UGT1A9: variants seen among roughly 807,000 people sequenced by gnomAD.
The protein encoded by UGT1A9 is UDP-glucuronosyltransferase 1A9.
UGT1A9 carries 35 observed loss-of-function variants against 45.0 expected under a neutral mutation model. That is an observed-to-expected ratio of 0.78 (90% CI 0.59 to 1.03). UGT1A9 has a LOEUF of 1.03. UGT1A9 is among the 50% of genes least tolerant of loss of function. UGT1A9 has a pLI of 0.00. For missense variants in UGT1A9, 687 were observed against 666.6 expected (o/e 1.03, Z -0.34); for synonymous variants, 278 against 250.6 (o/e 1.11, Z -1.03).
chr2:233,755,207 C>T, intron 1 of UGT1A9: 1 of 1,062,486 alleles, frequency 9.4e-7, no homozygotes, highest in South Asian at 1.2e-5. Flanking sequence ...TGCGGTACGC[C>T]TTCTTGATAC....
At chr2:233,688,060 A>G (rs1015195974) in intron 1 of UGT1A9, among the ~76,000 whole-genome samples, 1 of 152,226 alleles carries the variant, frequency 6.6e-6, no homozygotes, top group Non-Finnish European at 1.5e-5. Flanking sequence ...CACTCCAAAA[A>G]GAAACCCCAT....
At chr2:233,698,440 A>G (rs996104849) in intron 1 of UGT1A9, among the ~76,000 whole-genome samples, 1 of 152,260 alleles carries the variant, frequency 6.6e-6, no homozygotes, top group African/African-American at 2.4e-5. Context: ...AAGAAGATAT[A>G]TCACAGATCA....
At chr2:233,749,562 T>C (rs541768746) in intron 1 of UGT1A9, among the ~76,000 whole-genome samples, 1 of 151,994 alleles carries the variant, frequency 6.6e-6, no homozygotes, top group Non-Finnish European at 1.5e-5. Context: ...ATGTATTCAA[T>C]AGTGAGGCCA....
chr2:233,751,623 T>C (rs985380326), intron 1 of UGT1A9, among the ~76,000 whole-genome samples: 2 of 152,166 alleles, frequency 1.3e-5, no homozygotes, highest in African/African-American at 4.8e-5. Context: ...GATTGGATCA[T>C]GTGTGCAGTT....
At chr2:233,718,649 C>T (rs1013351620) in intron 1 of UGT1A9, 54 of 1,503,054 alleles carry the variant, frequency 3.6e-5, no homozygotes, top group Middle Eastern at 2.4e-4. Context: ...GGGCCCATAA[C>T]GAAAGGCAGT....
intron 1 of UGT1A9, chr2:233,719,603 T>G (rs138347224): frequency 3.1e-5 from 50 of 1,610,688 alleles, no homozygotes; most frequent in Non-Finnish European, 3.7e-5. Context: ...GAGGGGACTT[T>G]GTGATGGACT....
At chr2:233,678,013 T>G (rs1219955723) in intron 1 of UGT1A9, among the ~76,000 whole-genome samples, 1 of 152,138 alleles carries the variant, frequency 6.6e-6, no homozygotes, top group African/African-American at 2.4e-5. Context: ...TCATGTCCTT[T>G]GTAACAACAT....
intron 1 of UGT1A9, among the ~76,000 whole-genome samples, chr2:233,720,012 A>G (rs1319235409): frequency 1.3e-5 from 2 of 152,206 alleles, no homozygotes; most frequent in East Asian, 1.9e-4. Context: ...GAACTGATCC[A>G]TCCTGGGGTT....
chr2:233,744,895 T>C (rs1259140735), intron 1 of UGT1A9, among the ~76,000 whole-genome samples: 1 of 151,910 alleles, frequency 6.6e-6, no homozygotes, highest in African/African-American at 2.4e-5. Flanking sequence ...CTCCTCTCCA[T>C]ACCAAAATCT....
intron 1 of UGT1A9, chr2:233,743,056 A>T: frequency 3.1e-6 from 1 of 325,774 alleles, no homozygotes; most frequent in South Asian, 2.6e-5. Context: ...AGTCCCAACG[A>T]TAAGAACAGG....
At chr2:233,740,238 G>A (rs1254751502) in intron 1 of UGT1A9, among the ~76,000 whole-genome samples, 1 of 151,796 alleles carries the variant, frequency 6.6e-6, no homozygotes, top group Non-Finnish European at 1.5e-5. Context: ...AGCAGGCTGA[G>A]AATAGACTAA....
intron 1 of UGT1A9, chr2:233,719,609 G>A (rs758434623): frequency 1.2e-5 from 19 of 1,613,894 alleles, no homozygotes; most frequent in East Asian, 2.2e-5. Flanking sequence ...ACTTTGTGAT[G>A]GACTACCCCA....
At chr2:233,748,200 T>A (rs1186439065) in intron 1 of UGT1A9, 1 of 1,532,446 alleles carries the variant, frequency 6.5e-7, no homozygotes, top group Non-Finnish European at 8.8e-7. Flanking sequence ...CTGCTTGTCG[T>A]AATAGCCTTC....
intron 1 of UGT1A9, chr2:233,693,817 G>A (rs1367141196): frequency 6.2e-7 from 1 of 1,614,142 alleles, no homozygotes; most frequent in Non-Finnish European, 8.5e-7. Flanking sequence ...TGCCCAACAT[G>A]GTCTTCATTG....
intron 4 of UGT1A9, chr2:233,770,755 A>G (rs1050140831): frequency 6.6e-6 from 1 of 152,202 alleles, no homozygotes; most frequent in Non-Finnish European, 1.5e-5. Flanking sequence ...AAGTACTAAT[A>G]TTACATTATA....
chr2:233,759,854 G>T (rs1017536593), intron 1 of UGT1A9, among the ~76,000 whole-genome samples: 2 of 152,182 alleles, frequency 1.3e-5, no homozygotes, highest in African/African-American at 4.8e-5. Context: ...AGGTTTCCAT[G>T]GCGAAAGCGG....
intron 1 of UGT1A9, among the ~76,000 whole-genome samples, chr2:233,740,338 G>A (rs1156245808): frequency 6.6e-6 from 1 of 151,948 alleles, no homozygotes; most frequent in Non-Finnish European, 1.5e-5. Context: ...TGAGAAAGTT[G>A]ATGAGAAAGT....
At chr2:233,679,496 A>T (rs1477928402) in intron 1 of UGT1A9, among the ~76,000 whole-genome samples, 1 of 152,110 alleles carries the variant, frequency 6.6e-6, no homozygotes, top group East Asian at 1.9e-4. Flanking sequence ...CCTGCCTTAC[A>T]TTCTGGTGCT....
chr2:233,686,502 C>T (rs144675493), intron 1 of UGT1A9, among the ~76,000 whole-genome samples: 2 of 152,152 alleles, frequency 1.3e-5, no homozygotes, highest in African/African-American at 4.8e-5. Context: ...CAGGTGAGCC[C>T]AGGTGGAGCC....
Sources: gnomAD v4.1 joint callset for allele counts (sites outside exome capture counted in the v4.1 genomes callset) on GRCh38, gnomAD v4.1.1 for gene constraint, MANE v1.5 for transcripts, NCBI Gene and HGNC (gene_info 2026-07-23, HGNC 2026-07-21) for gene names.